The following ZNF423 variants were observed in gnomAD, a reference collection of about 807,000 sequenced individuals.
ZNF423 encodes the protein zinc finger protein 423, also known as Ebf-associated zinc finger protein.
Under a neutral mutation model 95.8 loss-of-function variants are expected in ZNF423, and 12 were observed. The ratio of observed to expected loss-of-function variants is 0.13; its 90% CI spans 0.08 to 0.20. The LOEUF (loss-of-function observed/expected upper bound fraction) is 0.20, where lower values mean the gene tolerates loss of function less well. Ranked by LOEUF, ZNF423 falls within the 10% of genes least tolerant of loss-of-function variation. The pLI is 1.00. For missense variants in ZNF423, 1,316 were observed against 1,737.1 expected (o/e 0.76, Z 4.31); for synonymous variants, 749 against 711.9 (o/e 1.05, Z -0.83).
chr16:49,848,996 G>T (rs768397117), intron 1 of ZNF423, among the ~76,000 whole-genome samples: 2 of 152,154 alleles, frequency 1.3e-5, no homozygotes, highest in Non-Finnish European at 2.9e-5. Context: ...ATAGGGGGCA[G>T]GCATCTAAAA....
chr16:49,725,918 G>A (rs1013952915), intron 3 of ZNF423, among the ~76,000 whole-genome samples: 2 of 148,572 alleles, frequency 1.3e-5, no homozygotes, highest in Non-Finnish European at 2.9e-5. Context: ...CGGAGCTGAA[G>A]GGAAGACACC....
chr16:49,733,653 C>T (rs919826031), intron 2 of ZNF423, among the ~76,000 whole-genome samples: 9 of 152,188 alleles, frequency 5.9e-5, no homozygotes, highest in South Asian at 2.1e-4. Context: ...GAGACGAAGG[C>T]GAGCTCAGGC....
chr16:49,597,197 G>T (rs1971208855), intron 5 of ZNF423, among the ~76,000 whole-genome samples: 1 of 151,926 alleles, frequency 6.6e-6, no homozygotes, highest in Admixed American at 6.6e-5. Context: ...TGCTCCTCTG[G>T]CCAGGGGAAG....
intron 3 of ZNF423, among the ~76,000 whole-genome samples, chr16:49,690,878 G>A (rs1457397635): frequency 6.6e-6 from 1 of 152,184 alleles, no homozygotes; most frequent in South Asian, 2.1e-4. Flanking sequence ...CAGGTAGAAA[G>A]AGGCTGCAGC....
chr16:49,610,365 T>C (rs1971683494), intron 5 of ZNF423, among the ~76,000 whole-genome samples: 1 of 152,156 alleles, frequency 6.6e-6, no homozygotes, highest in African/African-American at 2.4e-5. Flanking sequence ...ACTAAATATA[T>C]GCAGAAGAAA....
intron 1 of ZNF423, among the ~76,000 whole-genome samples, chr16:49,812,585 T>C (rs2034771071): frequency 6.6e-6 from 1 of 152,086 alleles, no homozygotes; most frequent in African/African-American, 2.4e-5. Context: ...GAGGCTAAGG[T>C]GGGAGGATCT....
chr16:49,804,013 G>T (rs2034622842), intron 1 of ZNF423, among the ~76,000 whole-genome samples: 1 of 143,338 alleles, frequency 7.0e-6, no homozygotes, highest in Admixed American at 7.4e-5. Context: ...TCGACTCACT[G>T]CATCCTCCAC....
At chr16:49,651,103 C>T (rs1017454092) in intron 3 of ZNF423, among the ~76,000 whole-genome samples, 2 of 151,898 alleles carry the variant, frequency 1.3e-5, no homozygotes, top group African/African-American at 2.4e-5. Context: ...TCACTGCAGA[C>T]TCAACCTCCT....
At chr16:49,695,626 C>T (rs1173137376) in intron 3 of ZNF423, among the ~76,000 whole-genome samples, 1 of 152,242 alleles carries the variant, frequency 6.6e-6, no homozygotes, top group African/African-American at 2.4e-5. Flanking sequence ...GGAGTTTCGC[C>T]ATGTTGGCCA....
chr16:49,694,021 C>T (rs2031882320), intron 3 of ZNF423, among the ~76,000 whole-genome samples: 1 of 152,210 alleles, frequency 6.6e-6, no homozygotes, highest in African/African-American at 2.4e-5. Flanking sequence ...GTGTCAATGC[C>T]AAGGCTAGAG....
chr16:49,709,183 T>TATATATATATATATATA (rs58833331), intron 3 of ZNF423, among the ~76,000 whole-genome samples: 2 of 145,314 alleles, frequency 1.4e-5, no homozygotes, highest in African/African-American at 5.3e-5. Context: ...TATATATATA[T>TATATATATATATATATA]GAAAACGGAG....
At chr16:49,649,664 CACA>C (rs529991130) in intron 3 of ZNF423, among the ~76,000 whole-genome samples, 1 of 66,158 alleles carries the variant, frequency 1.5e-5, no homozygotes, top group Admixed American at 1.5e-4. Context: ...CACACACACA[CACA>C]CAGGGAGAGA....
chr16:49,627,789 C>T (rs1364146375), intron 4 of ZNF423, among the ~76,000 whole-genome samples: 2 of 145,862 alleles, frequency 1.4e-5, no homozygotes, highest in African/African-American at 5.1e-5. Context: ...CATCTACATA[C>T]ATTCCCACCC....
At chr16:49,566,507 G>A (rs1202344057) in intron 5 of ZNF423, among the ~76,000 whole-genome samples, 1 of 152,204 alleles carries the variant, frequency 6.6e-6, no homozygotes, top group Non-Finnish European at 1.5e-5. Flanking sequence ...GGCTGCAGGA[G>A]GCCTCTGGGG....
At chr16:49,531,007 T>C (rs973681924) in intron 5 of ZNF423, among the ~76,000 whole-genome samples, 1 of 152,182 alleles carries the variant, frequency 6.6e-6, no homozygotes, top group Non-Finnish European at 1.5e-5. Flanking sequence ...CCTCCGCATC[T>C]CCATGTTTGA....
intron 2 of ZNF423, among the ~76,000 whole-genome samples, chr16:49,736,329 C>T (rs1236497163): frequency 1.3e-5 from 2 of 152,138 alleles, no homozygotes; most frequent in Admixed American, 6.5e-5. Flanking sequence ...GTTGCCCTGT[C>T]CTGCCAGCTT....
At chr16:49,643,096 C>T (rs1400302334) in intron 3 of ZNF423, among the ~76,000 whole-genome samples, 1 of 152,052 alleles carries the variant, frequency 6.6e-6, no homozygotes, top group African/African-American at 2.4e-5. Flanking sequence ...GCTGGGATTA[C>T]AGGTGTGAGT....
chr16:49,581,909 C>T (rs1029499602), intron 5 of ZNF423, among the ~76,000 whole-genome samples: 5 of 152,184 alleles, frequency 3.3e-5, no homozygotes, highest in African/African-American at 9.7e-5. Context: ...TGTCACCAGG[C>T]GTCAGTTCTG....
At chr16:49,853,823 C>T in intron 1 of ZNF423, 2 of 985,400 alleles carry the variant, frequency 2.0e-6, no homozygotes, top group Non-Finnish European at 2.4e-6. Flanking sequence ...TCTCCTTTTG[C>T]TTTCTGGGTC....
Sources: gnomAD v4.1 joint callset for allele counts (sites outside exome capture counted in the v4.1 genomes callset) on GRCh38, gnomAD v4.1.1 for gene constraint, MANE v1.5 for transcripts, NCBI Gene and HGNC (gene_info 2026-07-23, HGNC 2026-07-21) for gene names.